MRM1: variants seen among roughly 807,000 people sequenced by gnomAD.
The protein encoded by MRM1 is rRNA methyltransferase 1, mitochondrial.
Under a neutral mutation model 25.0 loss-of-function variants are expected in MRM1, and 24 were observed. The observed-to-expected ratio is 0.96, with a 90% CI of 0.69 to 1.35. The LOEUF (loss-of-function observed/expected upper bound fraction) is 1.35, where lower values mean the gene tolerates loss of function less well. Among genes scored for constraint, MRM1 ranks in the 40% most tolerant of loss-of-function variants. The probability of loss-of-function intolerance (pLI) is 0.00; values close to 1 mark genes in which losing one functional copy is unlikely to be tolerated. For synonymous variants in MRM1, 188 were observed against 199.2 expected (o/e 0.94, Z 0.47); for missense variants, 431 against 464.1 (o/e 0.93, Z 0.65).
At chr17:36,605,648 G>GTT (rs1200369672) in intron 2 of MRM1, among the ~76,000 whole-genome samples, 1 of 151,240 alleles carries the variant, frequency 6.6e-6, no homozygotes, top group Non-Finnish European at 1.5e-5. Context: ...TATTGTTGTT[G>GTT]TTGTTTTGCT....
chr17:36,614,948 A>G, the MRM1 span, among the ~76,000 whole-genome samples: 5 of 152,206 alleles, frequency 3.3e-5, no homozygotes. Context: ...GCACCTCCAG[A>G]GAAGCTGGAA....
At chr17:36,616,657 G>T in the MRM1 span, among the ~76,000 whole-genome samples, 1 of 152,188 alleles carries the variant, frequency 6.6e-6, no homozygotes, top group Non-Finnish European at 1.5e-5. Flanking sequence ...GATGATGATG[G>T]TACTAGCATT....
downstream of MRM1, among the ~76,000 whole-genome samples, chr17:36,609,926 C>T (rs2074965039): frequency 6.6e-6 from 1 of 152,106 alleles, no homozygotes; most frequent in Non-Finnish European, 1.5e-5. Context: ...TAAAAAGGGC[C>T]TATGCTCCTT....
rs778591503 is a variant in MRM1 at position 36,607,947 on chromosome 17, T to G, written c.818T>G (p.Leu273Arg). 2.5e-6 allele frequency: 4 copies of G among 1,614,140 alleles called. No homozygotes were observed. Among genetic ancestry groups the G allele is most frequent in the Non-Finnish European group, 2.5e-6 (3 of 1,180,024 alleles). The change falls in exon 4 of 5, where the codon CTT (leucine) becomes CGT (arginine). Residue 273 changes from leucine (L) to arginine (R), a missense_variant. Leu to Arg is a moderately radical substitution (Grantham distance 102). Coordinates refer to ENST00000614766, the MANE Select transcript of MRM1 (RefSeq NM_024864.5). The part of the protein sequence containing the change: ...LSQEVQASCQ[L>R]LLTILPRRQL... The stretch of plus-strand genomic sequence containing the variant: ...CAGGAGGTGCAGGCCTCCTGCCAGC[T>G]TCTCCTCACCATCCTGCCCCGGCGC...
In MRM1 at chr17:36,602,322, T is replaced by A. The variant is rs376237753; in HGVS notation, c.512T>A (p.Val171Glu). The change falls in exon 1 of 5, where the codon GTG becomes GAG. Residue 171 changes from valine to glutamate, a missense_variant. Val to Glu is a moderately radical substitution (Grantham distance 121, BLOSUM62 -2). Transcript: ENST00000614766. This position sits in a 1 kb window ranked among gnomAD's most constrained non-coding sequence, Gnocchi z 4.1. ...AVLRSAHFLGVDKVITSRRNS... is the reference protein window; with the variant it reads ...AVLRSAHFLGEDKVITSRRNS... ...CTGCGTTCCGCACACTTCCTCGGAG[T>A]GGATAAGGTCATCACCAGCCGGAGA... 2.1e-5 allele frequency: 33 copies of A among 1,574,530 alleles called. No individual in the cohort carries two copies. Among genetic ancestry groups the A allele is most frequent in the Non-Finnish European group, 2.9e-5 (33 of 1,156,282 alleles).
the MRM1 span, among the ~76,000 whole-genome samples, chr17:36,625,710 C>T: frequency 6.6e-6 from 1 of 152,004 alleles, no homozygotes; most frequent in Non-Finnish European, 1.5e-5. Flanking sequence ...GATCTGCCTG[C>T]CTTGGCCTCC....
rs2074881664 is a variant in MRM1, at chr17:36,602,237, C to T, written c.427C>T (p.Pro143Ser). 2 of 1,610,828 alleles carry T rather than the reference C, an allele frequency of 1.2e-6. No homozygotes were observed. ...CGGGGAGGCGAGCCCAGGCGACGAC[C>T]CCCAGCAGTTGTGGCTCGTCCTCGA... Reference protein sequence around the residue: ...EAGEASPGDDPQQLWLVLDGI... With the variant: ...EAGEASPGDDSQQLWLVLDGI... The change falls in exon 1 of 5, where the codon CCC becomes TCC. Residue 143 changes from proline to serine, a missense_variant. Pro to Ser is a moderately conservative substitution (Grantham distance 74). Transcript: ENST00000614766. The surrounding 1 kb of genome is among the most constrained non-coding windows in gnomAD (Gnocchi z 4.1).
downstream of MRM1, among the ~76,000 whole-genome samples, chr17:36,610,358 G>A (rs2028070): frequency 0.062 from 9,464 of 151,514 alleles, 506 homozygotes; most frequent in African/African-American, 0.13. Context: ...TCAGCCTCCT[G>A]AGTAGCTGGG....
At chr17:36,627,453 A>C in the MRM1 span, among the ~76,000 whole-genome samples, 1 of 152,110 alleles carries the variant, frequency 6.6e-6, no homozygotes, top group Non-Finnish European at 1.5e-5. Flanking sequence ...CCTGTTTCCC[A>C]TCCCTATCCG....
At chr17:36,633,194 C>A in the MRM1 span, among the ~76,000 whole-genome samples, 2 of 152,178 alleles carry the variant, frequency 1.3e-5, no homozygotes, top group Admixed American at 6.5e-5. Context: ...AGAGCCCCTC[C>A]CGTCTCCCCT....
Position 36,602,968 on chromosome 17 carries a change from G to C in MRM1, c.636+322G>C. 2 of 985,416 alleles carry C rather than the reference G, an allele frequency of 2.0e-6. No homozygotes were observed. The highest frequency in any genetic ancestry group is 2.4e-6 in the Non-Finnish European group (2 of 829,940). The allele number at this position is 985,416 out of a possible 1,614,324, so 61.0% of individuals were successfully genotyped here. A position where few individuals can be genotyped will look rare whatever the true frequency, so the allele number is the denominator to read the frequency against. On this transcript the variant is annotated intron_variant, in intron 2 of 4. Transcript: ENST00000614766. The surrounding 1 kb of genome is among the most constrained non-coding windows in gnomAD (Gnocchi z 4.1). ...AATGCATTTTGTTCAGCTGTGGGGA[G>C]CTGCGTACAGGAGACCTGAGTTCCT...
At chr17:36,606,264 CTGTTT>C (rs1227762487) in intron 2 of MRM1, among the ~76,000 whole-genome samples, 1 of 152,148 alleles carries the variant, frequency 6.6e-6, no homozygotes, top group Non-Finnish European at 1.5e-5. Context: ...GGATTTTGGT[CTGTTT>C]TGTTTTGTTC....
chr17:36,619,999 G>A, the MRM1 span, among the ~76,000 whole-genome samples: 1 of 152,104 alleles, frequency 6.6e-6, no homozygotes, highest in East Asian at 1.9e-4. Flanking sequence ...TGTCGTCTTT[G>A]GAGAAATGTC....
chr17:36,614,900 G>C, the MRM1 span, among the ~76,000 whole-genome samples: 3 of 152,356 alleles, frequency 2.0e-5, no homozygotes, highest in South Asian at 6.2e-4. Flanking sequence ...TTGGGGGTGG[G>C]TGGAAGGGGA....
intron 2 of MRM1, among the ~76,000 whole-genome samples, chr17:36,606,913 TTG>T (rs869083896): frequency 1.4e-5 from 2 of 144,620 alleles, no homozygotes; most frequent in African/African-American, 2.6e-5. Context: ...GCCTGGTTTT[TTG>T]TTTTTTTTTT....
downstream of MRM1, among the ~76,000 whole-genome samples, chr17:36,609,598 C>T (rs2074962188): frequency 6.6e-6 from 1 of 152,188 alleles, no homozygotes; most frequent in South Asian, 2.1e-4. Context: ...CCAGACGTTG[C>T]CAGATGGCTT....
intron 2 of MRM1, among the ~76,000 whole-genome samples, chr17:36,606,718 C>T (rs1227715297): frequency 6.6e-6 from 1 of 151,768 alleles, no homozygotes; most frequent in African/African-American, 2.4e-5. Flanking sequence ...AGCGATTCTC[C>T]TCCCTCAGAC....
the MRM1 span, among the ~76,000 whole-genome samples, chr17:36,627,085 C>T: frequency 7.7e-4 from 117 of 152,282 alleles, no homozygotes; most frequent in Middle Eastern, 6.8e-3. Flanking sequence ...AGATGATGCC[C>T]GCAGAGACCC....
At chr17:36,627,508 A>G in the MRM1 span, among the ~76,000 whole-genome samples, 1 of 152,118 alleles carries the variant, frequency 6.6e-6, no homozygotes, top group Non-Finnish European at 1.5e-5. Context: ...GGCCTGTGGG[A>G]TGCCTTACTC....
Sources: gnomAD v4.1 joint callset for allele counts (sites outside exome capture counted in the v4.1 genomes callset) on GRCh38, gnomAD v4.1.1 for gene constraint, Gnocchi (gnomAD v3.1) non-coding constraint, MANE v1.5 for transcripts, NCBI Gene and HGNC (gene_info 2026-07-23, HGNC 2026-07-21) for gene names.